SNRPD2: variants seen among roughly 807,000 people sequenced by gnomAD.
SNRPD2 encodes the protein small nuclear ribonucleoprotein Sm D2.
Under a neutral mutation model 11.5 loss-of-function variants are expected in SNRPD2, and 1 was observed. The observed-to-expected ratio is 0.09, with a 90% confidence interval of 0.03 to 0.41. The LOEUF is 0.41. SNRPD2 is among the 10% of genes least tolerant of loss of function. The pLI, the probability that SNRPD2 is intolerant of heterozygous loss-of-function variation, is 0.98. For missense variants in SNRPD2, 77 were observed against 154.9 expected (o/e 0.50, Z 2.67); for synonymous variants, 63 against 61.5 (o/e 1.02, Z -0.12).
chr19:45,688,627 T>C lies in SNRPD2; in HGVS notation c.3-61A>G. On this transcript the variant is annotated intron_variant, in intron 1 of 2. Transcript: ENST00000342669. The surrounding 1 kb of genome is among the most constrained non-coding windows in gnomAD (Gnocchi z 4.1). ...GGCTGGAGTTGAGAGGCTGGAGCTGTGAGGATGGGTGATCAGGGCCTTGGC... is the reference window on the plus strand; with the variant it reads ...GGCTGGAGTTGAGAGGCTGGAGCTGCGAGGATGGGTGATCAGGGCCTTGGC... The C allele has an allele frequency of 7.5e-7, 1 of 1,327,614 alleles. No homozygotes were observed. Among genetic ancestry groups the C allele is most frequent in the Non-Finnish European group, 1.1e-6 (1 of 926,022 alleles). 82.2% of individuals were successfully genotyped at this position (1,327,614 alleles called of 1,614,324 possible).
Position 45,688,617 on chromosome 19 carries a change from GC to G in SNRPD2, c.3-52del. The stretch of plus-strand genomic sequence containing the variant: ...AAGTGAGAGAGGCTGGAGTTGAGAG[GC>G]TGGAGCTGTGAGGATGGGTGATCAG... On this transcript the variant is annotated intron_variant, in intron 1 of 2. Transcript: ENST00000342669. The surrounding 1 kb of genome is among the most constrained non-coding windows in gnomAD (Gnocchi z 4.1). 6.7e-7 allele frequency: 1 copy of G among 1,488,146 alleles called. No individual in the cohort carries two copies. Among genetic ancestry groups the G allele is most frequent in the Non-Finnish European group, 9.4e-7 (1 of 1,068,198 alleles). The allele number at this position is 1,488,146 out of a possible 1,614,324, so 92.2% of individuals were successfully genotyped here.
Position 45,690,951 on chromosome 19 carries a change from G to A in SNRPD2, c.2+936C>T, listed in dbSNP as rs143172360. 1.0e-3 allele frequency among the ~76,000 whole-genome samples: 157 copies of A among 152,108 alleles called. 2 individuals carry two copies. Among genetic ancestry groups the A allele is most frequent in the African/African-American group, 2.9e-3 (121 of 41,496 alleles). On this transcript the variant is annotated intron_variant, in intron 1 of 2. Coordinates refer to ENST00000342669, the MANE Select transcript of SNRPD2 (RefSeq NM_001384647.1). ...AGTGTCTGATACATAAGCATTCAAT[G>A]TAATATCTGCTGCACTAATAAATGC...
chr19:45,691,985 G>A (rs2146120057), upstream of SNRPD2: 1 of 1,612,156 alleles, frequency 6.2e-7, no homozygotes, highest in South Asian at 1.1e-5. Context: ...ACCCACTTCC[G>A]TTGGCGCCTG....
At chr19:45,691,322 G>A (rs963308533) in intron 1 of SNRPD2, 2 of 152,360 alleles carry the variant, frequency 1.3e-5, no homozygotes, top group Non-Finnish European at 2.9e-5. Flanking sequence ...TTAGAGACGG[G>A]GTTTCACCAC....
Position 45,688,780 on chromosome 19 carries a change from T to G in SNRPD2, c.3-214A>C, listed in dbSNP as rs1967470571. 6.6e-6 allele frequency among the ~76,000 whole-genome samples: 1 copy of G among 151,940 alleles called. No homozygotes were observed. Among genetic ancestry groups the G allele is most frequent in the Non-Finnish European group, 1.5e-5 (1 of 67,982 alleles). On this transcript the variant is annotated intron_variant, in intron 1 of 2. Coordinates refer to ENST00000342669, the MANE Select transcript of SNRPD2 (RefSeq NM_001384647.1). This position sits in a 1 kb window ranked among gnomAD's most constrained non-coding sequence, Gnocchi z 4.1. ...CGGAGTCTTGATCTGTTGCCCAGGC[T>G]GGAGCGCAGTGATGTGATCTCGGCT... is the stretch of plus-strand genomic sequence containing the variant.
intron 1 of SNRPD2, chr19:45,689,347 C>T (rs768776928): frequency 5.9e-5 from 30 of 511,578 alleles, no homozygotes; most frequent in Non-Finnish European, 1.0e-4. Context: ...TGTGCTAAAA[C>T]CTAAATCATA....
chr19:45,689,794 G>A (rs1437863355), intron 1 of SNRPD2, among the ~76,000 whole-genome samples: 1 of 152,098 alleles, frequency 6.6e-6, no homozygotes, highest in Non-Finnish European at 1.5e-5. Context: ...AGCACTTTGG[G>A]AGGCCGACGC....
In SNRPD2 at chr19:45,688,103, C is replaced by T. The variant is rs1967455590; in HGVS notation, c.182+284G>A. Among the ~76,000 whole-genome samples the T allele has an allele frequency of 6.6e-6, 1 of 152,234 alleles. No individual in the cohort carries two copies. Among genetic ancestry groups the T allele is most frequent in the South Asian group, 2.1e-4 (1 of 4,836 alleles). On this transcript the variant is annotated intron_variant, in intron 2 of 2. Transcript: ENST00000342669. This position sits in a 1 kb window ranked among gnomAD's most constrained non-coding sequence, Gnocchi z 4.1. ...CTGGGTTCAGGCTATTCTTGTGCCTCGGCCACCTGAGTAGCTGTGAATACA... is the reference window on the plus strand; with the variant it reads ...CTGGGTTCAGGCTATTCTTGTGCCTTGGCCACCTGAGTAGCTGTGAATACA...
upstream of SNRPD2, chr19:45,691,967 T>C: frequency 6.2e-7 from 1 of 1,613,070 alleles, no homozygotes; most frequent in Non-Finnish European, 8.5e-7. Flanking sequence ...GGACTTCCTC[T>C]TCCTGCGACC....
Position 45,687,461 on chromosome 19 carries a change from A to T in SNRPD2, c.*92T>A. ...CAAGGCTCTGGAAACAGATACCACT[A>T]GAAAAAAACACAGAGCTTTATTATT... On this transcript the variant is annotated 3_prime_UTR_variant, in exon 3 of 3. Transcript: ENST00000342669. This position sits in a 1 kb window ranked among gnomAD's most constrained non-coding sequence, Gnocchi z 4.1. 1 of 1,265,524 alleles carries T rather than the reference A, an allele frequency of 7.9e-7. No homozygotes were observed. Among genetic ancestry groups the T allele is most frequent in the Non-Finnish European group, 1.1e-6 (1 of 889,780 alleles). The allele number at this position is 1,265,524 out of a possible 1,614,324, so 78.4% of individuals were successfully genotyped here. A position where few individuals can be genotyped will look rare whatever the true frequency, so the allele number is the denominator to read the frequency against.
At position 45,688,603 on chromosome 19, in the gene SNRPD2, G is replaced by C. The variant is rs1217425340; in HGVS notation, c.3-37C>G. 7.6e-6 allele frequency: 12 copies of C among 1,569,024 alleles called. No homozygotes were observed. The highest frequency in any genetic ancestry group is 9.7e-6 in the Non-Finnish European group (11 of 1,139,596). On this transcript the variant is annotated intron_variant, in intron 1 of 2. Transcript: ENST00000342669. This position sits in a 1 kb window ranked among gnomAD's most constrained non-coding sequence, Gnocchi z 4.1. ...AACATGGAACCAATAAGTGAGAGAG[G>C]CTGGAGTTGAGAGGCTGGAGCTGTG...
chr19:45,691,945 G>A lies in SNRPD2; in HGVS notation c.-57C>T. 6.2e-7 allele frequency: 1 copy of A among 1,613,930 alleles called. No individual in the cohort carries two copies. Among genetic ancestry groups the A allele is most frequent in the Non-Finnish European group, 8.5e-7 (1 of 1,179,850 alleles). On this transcript the variant is annotated 5_prime_UTR_variant, in exon 1 of 3. Coordinates refer to ENST00000342669, the MANE Select transcript of SNRPD2 (RefSeq NM_001384647.1). ...TTCCTCCGCGTTGCTGCTGCCTGAG[G>A]AGAGAGAGGCGGGACTTCCTCTTCC... is the stretch of plus-strand genomic sequence containing the variant.
At chr19:45,690,511 C>T (rs912965435) in intron 1 of SNRPD2, 1 of 151,698 alleles carries the variant, frequency 6.6e-6, no homozygotes, top group African/African-American at 2.4e-5. Flanking sequence ...AGAAAACCCT[C>T]CCATCCTCCC....
Position 45,687,481 on chromosome 19 carries a change from A to C in SNRPD2, c.*72T>G. ...CCACTAGAAAAAAACACAGAGCTTT[A>C]TTATTCTCAACACCAATGGCAGCGG... On this transcript the variant is annotated 3_prime_UTR_variant, in exon 3 of 3. Transcript: ENST00000342669. This position sits in a 1 kb window ranked among gnomAD's most constrained non-coding sequence, Gnocchi z 4.1. 1 of 1,402,174 alleles carries C rather than the reference A, an allele frequency of 7.1e-7. No individual in the cohort carries two copies. Among genetic ancestry groups the C allele is most frequent in the East Asian group, 2.3e-5 (1 of 43,874 alleles). 86.9% of individuals were successfully genotyped at this position (1,402,174 alleles called of 1,614,324 possible).
intron 1 of SNRPD2, among the ~76,000 whole-genome samples, chr19:45,689,834 A>T (rs901366856): frequency 2.0e-5 from 3 of 150,196 alleles, no homozygotes; most frequent in African/African-American, 7.4e-5. Context: ...CAGGAGTTCG[A>T]GACCACCCAG....
chr19:45,692,295 C>A (rs2146120422), upstream of SNRPD2: 1 of 371,084 alleles, frequency 2.7e-6, no homozygotes, highest in East Asian at 5.5e-5. Context: ...ACAGGCACCG[C>A]CCCTCTTCCC....
At position 45,687,499 on chromosome 19, in the gene SNRPD2, G is replaced by A; in HGVS notation, c.*54C>T. 1 of 1,494,096 alleles carries A rather than the reference G, an allele frequency of 6.7e-7. No homozygotes were observed. The highest frequency in any genetic ancestry group is 9.3e-7 in the Non-Finnish European group (1 of 1,075,732). The allele number at this position is 1,494,096 out of a possible 1,614,324, so 92.6% of individuals were successfully genotyped here. On this transcript the variant is annotated 3_prime_UTR_variant, in exon 3 of 3. Coordinates refer to ENST00000342669, the MANE Select transcript of SNRPD2 (RefSeq NM_001384647.1). The surrounding 1 kb of genome is among the most constrained non-coding windows in gnomAD (Gnocchi z 4.1). Reference sequence around the variant, plus strand: ...GAGCTTTATTATTCTCAACACCAATGGCAGCGGTCTTCATAGGACAGAGGA... The same window carrying A: ...GAGCTTTATTATTCTCAACACCAATAGCAGCGGTCTTCATAGGACAGAGGA...
In SNRPD2 at chr19:45,688,592, A is replaced by G; in HGVS notation, c.3-26T>C. ...CTGCATGGACAAACATGGAACCAAT[A>G]AGTGAGAGAGGCTGGAGTTGAGAGG... On this transcript the variant is annotated intron_variant, in intron 1 of 2. Transcript: ENST00000342669. The surrounding 1 kb of genome is among the most constrained non-coding windows in gnomAD (Gnocchi z 4.1). 6.3e-7 allele frequency: 1 copy of G among 1,597,228 alleles called. No individual in the cohort carries two copies. The highest frequency in any genetic ancestry group is 1.1e-5 in the South Asian group (1 of 90,724).
chr19:45,690,013 G>C (rs1036129266), intron 1 of SNRPD2, among the ~76,000 whole-genome samples: 5 of 147,492 alleles, frequency 3.4e-5, no homozygotes, highest in Non-Finnish European at 5.9e-5. Context: ...CTCCAGCTTG[G>C]GCTACAGAGT....
Sources: gnomAD v4.1 joint callset for allele counts (sites outside exome capture counted in the v4.1 genomes callset) on GRCh38, gnomAD v4.1.1 for gene constraint, Gnocchi (gnomAD v3.1) non-coding constraint, MANE v1.5 for transcripts, NCBI Gene and HGNC (gene_info 2026-07-23, HGNC 2026-07-21) for gene names.